Variants in SLC8A1 observed in about 807,000 individuals in gnomAD.
SLC8A1 encodes the protein solute carrier family 8 member A1, also known as sodium/calcium exchanger 1.
A neutral mutation model predicts 68.3 loss-of-function variants in SLC8A1; 18 were observed. The observed-to-expected ratio is 0.26, with a 90% CI of 0.18 to 0.39. The LOEUF (loss-of-function observed/expected upper bound fraction) is 0.39. SLC8A1 is among the 10% of genes least tolerant of loss of function. SLC8A1 has a pLI of 1.00. For missense variants in SLC8A1, 985 were observed against 1,156.7 expected, an observed-to-expected ratio of 0.85 and a Z score of 2.15; for synonymous variants, 475 against 415.5, an observed-to-expected ratio of 1.14 and a Z score of -1.74.
chr2:40,116,664 GA>G (rs79672152), intron 7 of SLC8A1, among the ~76,000 whole-genome samples: 58,280 of 152,014 alleles, frequency 0.38, 12,389 homozygotes, highest in Middle Eastern at 0.56. Flanking sequence ...TCACAACTAG[GA>G]AAAAAACATG....
rs1205470918 is a variant in SLC8A1 at position 40,314,266 on chromosome 2, AT to A, written c.1808+114206del. The stretch of plus-strand genomic sequence containing the variant: ...TTTGTTCTGCACAGAATTGCCTTGT[AT>A]TTTTGTTAGAATAACAACAACAACA... On this transcript the variant is annotated intron_variant, in intron 2 of 7. Coordinates refer to ENST00000406785, the Ensembl canonical transcript of SLC8A1. 2.4e-4 allele frequency among the ~76,000 whole-genome samples: 36 copies of A among 152,040 alleles called. 1 individual carries two copies. Among genetic ancestry groups the A allele is most frequent in the Non-Finnish European group, 4.1e-4 (28 of 67,946 alleles).
chr2:40,342,212 TACTCGTATCTAAC>T (rs1667915432), intron 2 of SLC8A1, among the ~76,000 whole-genome samples: 1 of 152,164 alleles, frequency 6.6e-6, no homozygotes, highest in Non-Finnish European at 1.5e-5. Flanking sequence ...AGATATTAAC[TACTCGTATCTAAC>T]ACTGCAATCT....
At chr2:40,461,052 T>C (rs1576613092) in intron 1 of SLC8A1, among the ~76,000 whole-genome samples, 1 of 152,306 alleles carries the variant, frequency 6.6e-6, no homozygotes, top group South Asian at 2.1e-4. Flanking sequence ...GCCATTTTTT[T>C]CTTTGGCCCA....
chr2:40,324,035 G>A (rs1198930993), intron 2 of SLC8A1, among the ~76,000 whole-genome samples: 1 of 151,526 alleles, frequency 6.6e-6, no homozygotes, highest in African/African-American at 2.4e-5. Flanking sequence ...AGGTGGGGGG[G>A]GGGCTGTTAA....
At chr2:40,273,158 G>A (rs1490741449) in intron 2 of SLC8A1, among the ~76,000 whole-genome samples, 11 of 152,038 alleles carry the variant, frequency 7.2e-5, no homozygotes, top group African/African-American at 2.7e-4. Context: ...GGTCAGGCTG[G>A]TCTCGAACTC....
intron 1 of SLC8A1, among the ~76,000 whole-genome samples, chr2:40,433,854 C>T (rs1698869248): frequency 6.6e-6 from 1 of 152,158 alleles, no homozygotes; most frequent in African/African-American, 2.4e-5. Flanking sequence ...GGCTTCCATG[C>T]AGGGTCAGGA....
intron 6 of SLC8A1, among the ~76,000 whole-genome samples, chr2:40,158,387 CT>C (rs1281060485): frequency 2.0e-5 from 3 of 152,168 alleles, no homozygotes; most frequent in African/African-American, 7.2e-5. Flanking sequence ...ATGGGTTTGA[CT>C]TTCTGATATG....
intron 2 of SLC8A1, among the ~76,000 whole-genome samples, chr2:40,225,186 A>C (rs2058816038): frequency 2.0e-5 from 3 of 152,292 alleles, no homozygotes; most frequent in African/African-American, 7.2e-5. Context: ...GGATATACAG[A>C]AAACAGCATA....
chr2:40,174,894 C>A, intron 3 of SLC8A1, 52 bp from the exon 5 acceptor site: 1 of 1,554,426 alleles, frequency 6.4e-7, no homozygotes, highest in Non-Finnish European at 8.9e-7. Context: ...CTCTACATAA[C>A]AAATACCAGT....
chr2:40,395,250 T>C (rs1439638401), intron 2 of SLC8A1, among the ~76,000 whole-genome samples: 1 of 152,148 alleles, frequency 6.6e-6, no homozygotes, highest in Non-Finnish European at 1.5e-5. Flanking sequence ...CATTTCTTTA[T>C]CAAATAAAAA....
At chr2:40,406,000 C>T (rs577922421) in intron 2 of SLC8A1, among the ~76,000 whole-genome samples, 2 of 152,144 alleles carry the variant, frequency 1.3e-5, no homozygotes, top group Non-Finnish European at 2.9e-5. Flanking sequence ...TGTAATATGT[C>T]TTCCATCACT....
intron 2 of SLC8A1, among the ~76,000 whole-genome samples, chr2:40,384,165 A>G (rs1350029210): frequency 6.6e-6 from 1 of 151,984 alleles, no homozygotes; most frequent in East Asian, 1.9e-4. Context: ...CTGACACATG[A>G]AGATCACATG....
intron 2 of SLC8A1, among the ~76,000 whole-genome samples, chr2:40,418,415 C>T (rs1287386624): frequency 2.6e-5 from 4 of 152,144 alleles, no homozygotes; most frequent in Admixed American, 6.6e-5. Flanking sequence ...CTCAGAAAGA[C>T]TCCCATATCT....
chr2:40,210,536 A>C (rs1217287247), intron 2 of SLC8A1, among the ~76,000 whole-genome samples: 3 of 152,212 alleles, frequency 2.0e-5, no homozygotes, highest in Admixed American at 6.5e-5. Context: ...GTCACTACTG[A>C]ATGTAGTGTA....
exon 8 of SLC8A1, chr2:40,102,695 C>G (rs2033970213): frequency 6.6e-6 from 1 of 152,130 alleles, no homozygotes; most frequent in Admixed American, 6.6e-5. Context: ...TGATTGACAG[C>G]TCTACCAAGA....
intron 1 of SLC8A1, among the ~76,000 whole-genome samples, chr2:40,440,875 A>T (rs995619447): frequency 6.6e-6 from 1 of 152,294 alleles, no homozygotes; most frequent in African/African-American, 2.4e-5. Flanking sequence ...GCACAAGACA[A>T]GGATGCCCTC....
At chr2:40,188,413 T>C (rs1054222349) in intron 2 of SLC8A1, among the ~76,000 whole-genome samples, 64 of 152,348 alleles carry the variant, frequency 4.2e-4, no homozygotes, top group African/African-American at 1.5e-3. Flanking sequence ...GTTCTCCATT[T>C]GCCACTGCCT....
intron 2 of SLC8A1, among the ~76,000 whole-genome samples, chr2:40,367,465 C>T (rs964121878): frequency 6.6e-6 from 1 of 152,000 alleles, no homozygotes; most frequent in Non-Finnish European, 1.5e-5. Flanking sequence ...TATATTTGTT[C>T]CTCCTCTGCT....
intron 2 of SLC8A1, among the ~76,000 whole-genome samples, chr2:40,230,457 G>T (rs973425661): frequency 1.3e-5 from 2 of 152,096 alleles, no homozygotes; most frequent in African/African-American, 4.8e-5. Context: ...TGGCTCAAGT[G>T]AGAAATGCTG....
Sources: gnomAD v4.1 joint callset for allele counts (sites outside exome capture counted in the v4.1 genomes callset) on GRCh38, gnomAD v4.1.1 for gene constraint, MANE v1.5 for transcripts, NCBI Gene and HGNC (gene_info 2026-07-23, HGNC 2026-07-21) for gene names.